SBF2: variants seen among roughly 807,000 people sequenced by gnomAD.
The protein encoded by SBF2 is SET binding factor 2.
In SBF2, 112 loss-of-function variants were observed where a neutral mutation model predicts 225.2. The ratio of observed to expected loss-of-function variants is 0.50; its 90% CI spans 0.43 to 0.58. The LOEUF is 0.58. Ranked by LOEUF, SBF2 falls within the 20% of genes least tolerant of loss-of-function variation. The probability of loss-of-function intolerance (pLI) is 0.00; values close to 1 mark genes in which losing one functional copy is unlikely to be tolerated. For synonymous variants in SBF2, 763 were observed against 773.3 expected, an observed-to-expected ratio of 0.99 and a Z score of 0.22; for missense variants, 1,996 against 2,206.2, an observed-to-expected ratio of 0.90 and a Z score of 1.91.
In SBF2 at chr11:9,847,018, T is replaced by C. The variant is rs901770002; in HGVS notation, c.2872A>G (p.Met958Val). ...ASITKEKKIT[M>V]QNQLQQNMQE... Reference sequence around the variant, plus strand: ...ATGTTCTGCTGTAGCTGGTTCTGCATTGTAATCTTCTTCTCCTTGGTGATG... The same window carrying C: ...ATGTTCTGCTGTAGCTGGTTCTGCACTGTAATCTTCTTCTCCTTGGTGATG... The change falls in exon 23 of 40, where the codon ATG becomes GTG. Residue 958 changes from methionine (M) to valine (V), a missense_variant. Transcript: ENST00000256190. 16 of 1,613,738 alleles carry C rather than the reference T, an allele frequency of 9.9e-6. No homozygotes were observed. Among genetic ancestry groups the C allele is most frequent in the Admixed American group, 3.3e-5 (2 of 59,970 alleles).
At chr11:9,884,150 G>A (rs1239582488) in intron 17 of SBF2, among the ~76,000 whole-genome samples, 1 of 152,220 alleles carries the variant, frequency 6.6e-6, no homozygotes, top group East Asian at 1.9e-4. Flanking sequence ...GTGCAGCAGA[G>A]TTAAGAATCA....
Position 9,889,295 on chromosome 11 carries a change from C to A in SBF2, c.1929+6648G>T, listed in dbSNP as rs200957017. Among the ~76,000 whole-genome samples, 28 of 152,264 alleles carry A rather than the reference C, an allele frequency of 1.8e-4. No individual in the cohort carries two copies. The East Asian group carries it at 5.2e-3, about 28-fold the overall frequency. ...AGATTCATACAAATGACACAGATTA[C>A]TTTTTCCAGGTAGACTTTCCTATTA... On this transcript the variant is annotated intron_variant, in intron 17 of 39. Transcript: ENST00000256190.
intron 1 of SBF2, among the ~76,000 whole-genome samples, chr11:10,219,731 C>T (rs1410660618): frequency 2.6e-5 from 4 of 152,144 alleles, no homozygotes; most frequent in Non-Finnish European, 4.4e-5. Context: ...CTCTAGGGCA[C>T]GGGCAAAATG....
chr11:9,861,373 G>A (rs562373180), intron 17 of SBF2, among the ~76,000 whole-genome samples: 1 of 152,190 alleles, frequency 6.6e-6, no homozygotes, highest in South Asian at 2.1e-4. Flanking sequence ...TTTAAAAAAT[G>A]TTTTTTGAGG....
intron 17 of SBF2, among the ~76,000 whole-genome samples, chr11:9,864,118 T>G (rs1373913289): frequency 6.6e-6 from 1 of 152,192 alleles, no homozygotes; most frequent in Non-Finnish European, 1.5e-5. Flanking sequence ...ATTATGCTCA[T>G]TAGTTAGTGG....
At chr11:9,930,129 T>G (rs1236920103) in intron 16 of SBF2, among the ~76,000 whole-genome samples, 1 of 152,032 alleles carries the variant, frequency 6.6e-6, no homozygotes, top group Non-Finnish European at 1.5e-5. Flanking sequence ...ATCCTGGACA[T>G]GTACCTCAGA....
In SBF2 at chr11:9,839,572, A is replaced by C; in HGVS notation, c.3381T>G (p.Ser1127Arg). 6.2e-7 allele frequency: 1 copy of C among 1,614,168 alleles called. No individual in the cohort carries two copies. The highest frequency in any genetic ancestry group is 8.5e-7 in the Non-Finnish European group (1 of 1,180,014). ...CGGGTCTTGAACGGGAAGAGCTGCCACTTATGGTTCCTAAACCTAAACGCT... is the reference window on the plus strand; with the variant it reads ...CGGGTCTTGAACGGGAAGAGCTGCCCCTTATGGTTCCTAAACCTAAACGCT... ...DYQRLGLGTI[S>R]GSSSRSRPEY... The change falls in exon 26 of 40, where the codon AGT becomes AGG. Residue 1127 changes from serine (S) to arginine (R), a missense_variant. Coordinates refer to ENST00000256190, the MANE Select transcript of SBF2 (RefSeq NM_030962.4).
chr11:10,050,078 A>G lies in SBF2; in HGVS notation c.142-7097T>C, dbSNP rs533157502. 1.3e-4 allele frequency among the ~76,000 whole-genome samples: 20 copies of G among 152,330 alleles called. No individual in the cohort carries two copies. The South Asian group carries it at 4.1e-3, about 32-fold the overall frequency. ...ATTAACAGCAAATAATCCCATTCTC[A>G]TAGAAGTCTGTCATTCATATCATTA... On this transcript the variant is annotated intron_variant, in intron 2 of 39. Transcript: ENST00000256190.
chr11:9,833,101 T>C (rs1166128843), intron 26 of SBF2, among the ~76,000 whole-genome samples: 1 of 152,216 alleles, frequency 6.6e-6, no homozygotes, highest in Non-Finnish European at 1.5e-5. Context: ...CATGCCAATA[T>C]TAGACTGCCT....
chr11:10,198,537 G>C (rs559621988), intron 1 of SBF2, among the ~76,000 whole-genome samples: 2 of 152,362 alleles, frequency 1.3e-5, no homozygotes, highest in South Asian at 4.1e-4. Context: ...AATGGTAAAT[G>C]AGAAACAGCT....
intron 6 of SBF2, among the ~76,000 whole-genome samples, chr11:10,017,393 T>A (rs1460254039): frequency 2.0e-5 from 3 of 152,192 alleles, no homozygotes; most frequent in Non-Finnish European, 4.4e-5. Flanking sequence ...GGGAAAACAG[T>A]ATAGTTCTGG....
At chr11:10,280,719 G>A (rs964076670) in intron 1 of SBF2, among the ~76,000 whole-genome samples, 1 of 151,930 alleles carries the variant, frequency 6.6e-6, no homozygotes, top group Admixed American at 6.6e-5. Context: ...GAAACAATCT[G>A]GGCTAAAACT....
At chr11:10,127,202 C>T (rs1019217844) in intron 2 of SBF2, among the ~76,000 whole-genome samples, 1 of 152,072 alleles carries the variant, frequency 6.6e-6, no homozygotes, top group Non-Finnish European at 1.5e-5. Context: ...TATGTGTATG[C>T]ATATTTTATC....
At chr11:10,063,266 C>T (rs567091205) in intron 2 of SBF2, among the ~76,000 whole-genome samples, 1 of 151,602 alleles carries the variant, frequency 6.6e-6, no homozygotes, top group East Asian at 1.9e-4. Flanking sequence ...CAACAAACCC[C>T]CGACACATGT....
intron 5 of SBF2, 68 bp from the exon 6 acceptor site, chr11:10,028,625 C>T (rs1366968407): frequency 2.9e-6 from 3 of 1,030,280 alleles, no homozygotes; most frequent in Non-Finnish European, 4.6e-6. Flanking sequence ...AATAAAAATA[C>T]CTTCGATGTT....
intron 3 of SBF2, among the ~76,000 whole-genome samples, chr11:10,035,149 T>A (rs1191700740): frequency 1.3e-5 from 2 of 152,012 alleles, no homozygotes; most frequent in East Asian, 3.9e-4. Flanking sequence ...TTTTTTTTTG[T>A]ATTTTTAGTA....
intron 16 of SBF2, among the ~76,000 whole-genome samples, chr11:9,934,324 C>T (rs1048379146): frequency 4.6e-5 from 7 of 152,006 alleles, no homozygotes; most frequent in Non-Finnish European, 7.4e-5. Context: ...AGCCTACCAA[C>T]AACAAAAAAA....
chr11:10,087,125 G>C (rs1285191505), intron 2 of SBF2, among the ~76,000 whole-genome samples: 1 of 152,042 alleles, frequency 6.6e-6, no homozygotes, highest in African/African-American at 2.4e-5. Context: ...TTGTTGTGTA[G>C]GTCGGACCTT....
intron 1 of SBF2, among the ~76,000 whole-genome samples, chr11:10,289,115 G>A (rs1028011045): frequency 2.0e-5 from 3 of 152,220 alleles, no homozygotes; most frequent in Admixed American, 6.5e-5. Context: ...TGTCAGCGCT[G>A]ACCTAAGTGT....
Sources: allele counts gnomAD v4.1 joint callset (sites outside exome capture counted in the v4.1 genomes callset), GRCh38; gene constraint gnomAD v4.1.1; transcripts MANE v1.5; gene names NCBI Gene and HGNC (gene_info 2026-07-23, HGNC 2026-07-21).